Variants in RSRC1 observed in about 807,000 individuals in gnomAD.
RSRC1 encodes arginine and serine rich coiled-coil 1, also known as serine/Arginine-related protein 53.
Under a neutral mutation model 49.1 loss-of-function variants are expected in RSRC1, and 39 were observed. That is an observed-to-expected ratio of 0.79 (90% CI 0.61 to 1.04). The LOEUF is 1.04. RSRC1 is among the 50% of genes least tolerant of loss of function. The pLI is 0.00. For synonymous variants in RSRC1, 143 were observed against 130.8 expected (o/e 1.09, Z -0.63); for missense variants, 388 against 402.4 (o/e 0.96, Z 0.31).
At chr3:158,315,873 C>T (rs549638067) in intron 5 of RSRC1, among the ~76,000 whole-genome samples, 8 of 151,956 alleles carry the variant, frequency 5.3e-5, no homozygotes, top group East Asian at 3.9e-4. Flanking sequence ...ATAATGCAAC[C>T]GAAAATGCTG....
intron 6 of RSRC1, among the ~76,000 whole-genome samples, chr3:158,436,791 A>G (rs1292062643): frequency 6.6e-6 from 1 of 152,000 alleles, no homozygotes; most frequent in East Asian, 1.9e-4. Context: ...GGGCTATAAT[A>G]CTATTGTGAG....
intron 3 of RSRC1, among the ~76,000 whole-genome samples, chr3:158,142,678 C>T (rs1716821050): frequency 6.6e-6 from 1 of 152,116 alleles, no homozygotes; most frequent in African/African-American, 2.4e-5. Flanking sequence ...TTTAAACAAA[C>T]CAGATCTCCG....
intron 5 of RSRC1, among the ~76,000 whole-genome samples, chr3:158,299,484 C>T (rs1727415736): frequency 6.6e-6 from 1 of 151,898 alleles, no homozygotes; most frequent in African/African-American, 2.4e-5. Flanking sequence ...AGGTGCCCGT[C>T]ACCACACTCA....
intron 6 of RSRC1, among the ~76,000 whole-genome samples, chr3:158,423,599 T>G (rs1014358929): frequency 1.3e-5 from 2 of 152,172 alleles, no homozygotes; most frequent in African/African-American, 4.8e-5. Flanking sequence ...AGTAGTTTTT[T>G]CCAATTCTGT....
intron 3 of RSRC1, among the ~76,000 whole-genome samples, chr3:158,139,844 A>G (rs890960758): frequency 2.6e-5 from 4 of 152,164 alleles, no homozygotes; most frequent in African/African-American, 4.8e-5. Context: ...CATGTTGGCC[A>G]GGCTGGTCTT....
intron 7 of RSRC1, among the ~76,000 whole-genome samples, chr3:158,488,727 A>C (rs946844891): frequency 1.3e-5 from 2 of 152,222 alleles, no homozygotes; most frequent in Admixed American, 1.3e-4. Context: ...CTGTTAAATG[A>C]GTAGCTTATT....
chr3:158,194,237 G>T (rs1336849844), intron 3 of RSRC1, among the ~76,000 whole-genome samples: 1 of 151,572 alleles, frequency 6.6e-6, no homozygotes, highest in African/African-American at 2.4e-5. Context: ...TCATCCTGCT[G>T]CACTCCAGCC....
intron 4 of RSRC1, among the ~76,000 whole-genome samples, chr3:158,234,289 CAG>C (rs1723120759): frequency 6.6e-6 from 1 of 152,070 alleles, no homozygotes; most frequent in African/African-American, 2.4e-5. Context: ...GTAATGAAGA[CAG>C]AGTTTAATCG....
chr3:158,437,077 A>G (rs1227808978), intron 6 of RSRC1, among the ~76,000 whole-genome samples: 1 of 152,004 alleles, frequency 6.6e-6, no homozygotes, highest in African/African-American at 2.4e-5. Context: ...GCCATATTGA[A>G]GAAACGTCTT....
chr3:158,282,708 T>A (rs1369535427), intron 4 of RSRC1, among the ~76,000 whole-genome samples: 1 of 152,210 alleles, frequency 6.6e-6, no homozygotes, highest in Non-Finnish European at 1.5e-5. Flanking sequence ...GTACAATAAA[T>A]ATAAGAATTT....
intron 3 of RSRC1, among the ~76,000 whole-genome samples, chr3:158,165,641 C>G (rs1296525557): frequency 6.6e-6 from 1 of 152,184 alleles, no homozygotes; most frequent in East Asian, 1.9e-4. Context: ...CGAAGTTTTG[C>G]TTTTTGAAGC....
intron 5 of RSRC1, among the ~76,000 whole-genome samples, chr3:158,336,254 C>T (rs1729882139): frequency 6.6e-6 from 1 of 152,198 alleles, no homozygotes; most frequent in South Asian, 2.1e-4. Flanking sequence ...TTGGTCCGGC[C>T]CCTGGCTGCC....
intron 7 of RSRC1, among the ~76,000 whole-genome samples, chr3:158,487,974 A>AAAAAAAAAAAAAAAAAAAGG (rs71144458): frequency 6.7e-6 from 1 of 148,838 alleles, no homozygotes; most frequent in African/African-American, 2.5e-5. Flanking sequence ...AAAAAAAAAA[A>AAAAAAAAAAAAAAAAAAAGG]CTGGCTGAAT....
chr3:158,369,579 A>T (rs911371501), intron 6 of RSRC1, among the ~76,000 whole-genome samples: 6 of 152,086 alleles, frequency 3.9e-5, no homozygotes, highest in Non-Finnish European at 5.9e-5. Context: ...ACATTTTTTT[A>T]AAAACTGTTT....
chr3:158,494,230 G>A (rs9865460), intron 7 of RSRC1, among the ~76,000 whole-genome samples: 77,113 of 151,988 alleles, frequency 0.51, 20,086 homozygotes, highest in African/African-American at 0.62. Context: ...CTAGGCTACA[G>A]ACCTTTACAG....
intron 7 of RSRC1, among the ~76,000 whole-genome samples, chr3:158,530,400 C>T (rs1037677854): frequency 2.1e-4 from 32 of 151,782 alleles, no homozygotes; most frequent in Admixed American, 4.6e-4. Context: ...CTCTGGTTAC[C>T]CCATCTGAAA....
At chr3:158,327,985 A>C (rs1729274623) in intron 5 of RSRC1, among the ~76,000 whole-genome samples, 1 of 152,158 alleles carries the variant, frequency 6.6e-6, no homozygotes, top group Admixed American at 6.5e-5. Context: ...ACCATTATGT[A>C]ATGGCCTTCT....
chr3:158,163,582 T>G (rs1947344599), intron 3 of RSRC1, among the ~76,000 whole-genome samples: 1 of 152,082 alleles, frequency 6.6e-6, no homozygotes, highest in African/African-American at 2.4e-5. Flanking sequence ...CTGTGTTGTG[T>G]TTGGTTCAGC....
At chr3:158,116,578 C>A (rs1316232084) in intron 1 of RSRC1, among the ~76,000 whole-genome samples, 2 of 152,044 alleles carry the variant, frequency 1.3e-5, no homozygotes, top group East Asian at 3.9e-4. Context: ...GATACAGTGA[C>A]TACTAAGTAT....
Sources: allele counts gnomAD v4.1 joint callset (sites outside exome capture counted in the v4.1 genomes callset), GRCh38; gene constraint gnomAD v4.1.1; transcripts MANE v1.5; gene names NCBI Gene and HGNC (gene_info 2026-07-23, HGNC 2026-07-21).